Variants in PCCA observed in about 807,000 individuals in gnomAD.
The protein encoded by PCCA is propionyl-CoA carboxylase alpha chain, mitochondrial.
A neutral mutation model predicts 101.3 loss-of-function variants in PCCA; 74 were observed. That is an observed-to-expected ratio of 0.73 (90% confidence interval 0.61 to 0.89). The LOEUF is 0.89. PCCA is among the 40% of genes least tolerant of loss of function. The pLI is 0.00. For missense variants in PCCA, 891 were observed against 907.0 expected, an observed-to-expected ratio of 0.98 and a Z score of 0.23; for synonymous variants, 294 against 313.6, an observed-to-expected ratio of 0.94 and a Z score of 0.66.
intron 21 of PCCA, among the ~76,000 whole-genome samples, chr13:100,483,973 G>C (rs1412576547): frequency 6.6e-6 from 1 of 152,162 alleles, no homozygotes; most frequent in Non-Finnish European, 1.5e-5. Context: ...CTGGGTTTCA[G>C]TTTCACAAAT....
At chr13:100,333,294 C>G (rs563959491) in intron 17 of PCCA, among the ~76,000 whole-genome samples, 9 of 152,192 alleles carry the variant, frequency 5.9e-5, no homozygotes, top group Non-Finnish European at 1.0e-4. Context: ...TACAGTTAAT[C>G]CAGGATCCTC....
At chr13:100,422,279 A>G (rs753939220) in intron 19 of PCCA, among the ~76,000 whole-genome samples, 5 of 151,754 alleles carry the variant, frequency 3.3e-5, no homozygotes, top group Non-Finnish European at 7.4e-5. Flanking sequence ...GACTACGGGC[A>G]CTGGCCATCA....
intron 12 of PCCA, among the ~76,000 whole-genome samples, chr13:100,280,884 C>T (rs2064052283): frequency 1.3e-5 from 2 of 152,130 alleles, no homozygotes; most frequent in Admixed American, 6.6e-5. Context: ...GCTGTAGACA[C>T]TCCCTCTCCA....
chr13:100,110,978 T>G (rs747162160), intron 2 of PCCA, among the ~76,000 whole-genome samples: 2 of 151,708 alleles, frequency 1.3e-5, no homozygotes, highest in Non-Finnish European at 2.9e-5. Context: ...ATTACGGGCA[T>G]GCACCATCAC....
At chr13:100,261,373 T>C (rs2062496455) in intron 9 of PCCA, among the ~76,000 whole-genome samples, 1 of 151,926 alleles carries the variant, frequency 6.6e-6, no homozygotes. Flanking sequence ...GTTTTTTCTT[T>C]TCTTTTTTTT....
rs1378080915 is a variant in PCCA at position 100,155,066 on chromosome 13, G to A, written c.388G>A (p.Ala130Thr). Residue 130 changes from alanine to threonine, a missense_variant, in exon 5 of 24, where the codon GCC becomes ACC. By Grantham distance (58) the Ala-to-Thr change is moderately conservative (BLOSUM62 0). Coordinates refer to ENST00000376285, the MANE Select transcript of PCCA (RefSeq NM_000282.4). Reference protein sequence around the residue: ...SYLNMDAIMEAIKKTRAQAVH... With the variant: ...SYLNMDAIMETIKKTRAQAVH... ...CCTCAACATGGATGCCATCATGGAA[G>A]CCATTAAGAAAACCAGGGCCCAAGC... 2 of 1,613,358 alleles carry A rather than the reference G, an allele frequency of 1.2e-6. No homozygotes were observed. The highest frequency in any genetic ancestry group is 1.1e-5 in the South Asian group (1 of 91,070).
Position 100,352,579 on chromosome 13 carries a change from A to C in PCCA, c.1643+12320A>C, listed in dbSNP as rs1368059929. On this transcript the variant is annotated intron_variant, in intron 18 of 23. Transcript: ENST00000376285. ...TGGCTATATATATATTTTTAAATAG[A>C]GATGAGGTCTTGCTATGTTACCCAG... Among the ~76,000 whole-genome samples the C allele has an allele frequency of 2.0e-5, 3 of 151,820 alleles. No homozygotes were observed. In the South Asian group the frequency reaches 6.3e-4, roughly 32 times the overall value.
At chr13:100,472,642 C>T (rs974046422) in intron 21 of PCCA, among the ~76,000 whole-genome samples, 1 of 152,004 alleles carries the variant, frequency 6.6e-6, no homozygotes, top group Non-Finnish European at 1.5e-5. Context: ...AAAGGCAGTG[C>T]GTGGCTGGTT....
At position 100,260,974 on chromosome 13, in the gene PCCA, C is replaced by A. The variant is rs962624405; in HGVS notation, c.717-1755C>A. On this transcript the variant is annotated intron_variant, in intron 9 of 23. Transcript: ENST00000376285. The stretch of plus-strand genomic sequence containing the variant: ...TGACATCATTAAAGAAAACACAAAA[C>A]AAGCAAATCAGATAGTTGTTTTTTA... Among the ~76,000 whole-genome samples the A allele has an allele frequency of 4.7e-5, 7 of 149,326 alleles. 1 individual carries two copies. Among genetic ancestry groups the A allele is most frequent in the Admixed American group, 4.0e-4 (6 of 15,060 alleles).
intron 14 of PCCA, among the ~76,000 whole-genome samples, chr13:100,305,097 A>C (rs887710822): frequency 1.3e-5 from 2 of 152,236 alleles, no homozygotes; most frequent in Admixed American, 1.3e-4. Flanking sequence ...ATAAAAATAT[A>C]GCTGATTATT....
chr13:100,146,680 T>C (rs191847918), intron 4 of PCCA, among the ~76,000 whole-genome samples: 1 of 151,924 alleles, frequency 6.6e-6, no homozygotes, highest in East Asian at 1.9e-4. Flanking sequence ...ATTAAAAAAA[T>C]GAATCATTTT....
intron 19 of PCCA, among the ~76,000 whole-genome samples, chr13:100,372,417 T>C (rs2152817065): frequency 6.6e-6 from 1 of 152,120 alleles, no homozygotes; most frequent in African/African-American, 2.4e-5. Context: ...AGCTTCAAGG[T>C]ATTGGATTTG....
chr13:100,490,491 A>C (rs1158954828), intron 21 of PCCA: 4 of 152,228 alleles, frequency 2.6e-5, no homozygotes, highest in Non-Finnish European at 5.9e-5. Flanking sequence ...ATCTGTTCAC[A>C]CGGCTTAGAT....
chr13:100,219,392 G>A (rs1306427027), intron 7 of PCCA, among the ~76,000 whole-genome samples: 1 of 152,128 alleles, frequency 6.6e-6, no homozygotes, highest in Non-Finnish European at 1.5e-5. Context: ...AAGGGTTCAA[G>A]GAAGAGACCA....
At chr13:100,426,753 T>A (rs28408802) in intron 20 of PCCA, among the ~76,000 whole-genome samples, 2,353 of 152,258 alleles carry the variant, frequency 0.015, 70 homozygotes, top group African/African-American at 0.051. Flanking sequence ...CTCATTTTTT[T>A]AATTTTCTAA....
chr13:100,293,783 C>T (rs1469721817), intron 12 of PCCA, among the ~76,000 whole-genome samples: 1 of 152,102 alleles, frequency 6.6e-6, no homozygotes. Context: ...GTGTTATACC[C>T]TCCCTTATTA....
chr13:100,499,216 G>A (rs560573360), intron 21 of PCCA, among the ~76,000 whole-genome samples: 4 of 152,150 alleles, frequency 2.6e-5, no homozygotes, highest in Non-Finnish European at 4.4e-5. Context: ...CCCAAAAGAC[G>A]TTTGAAAAAT....
intron 18 of PCCA, among the ~76,000 whole-genome samples, chr13:100,343,982 C>T (rs1595469896): frequency 6.6e-6 from 1 of 152,064 alleles, no homozygotes; most frequent in Non-Finnish European, 1.5e-5. Context: ...GGCTGAGGCA[C>T]GAGAATTGCT....
chr13:100,232,156 C>T (rs189145562), intron 7 of PCCA, among the ~76,000 whole-genome samples: 4 of 152,282 alleles, frequency 2.6e-5, no homozygotes, highest in African/African-American at 4.8e-5. Flanking sequence ...AGGGCCACGC[C>T]GTCCATACCT....
Sources: gnomAD v4.1 joint callset for allele counts (sites outside exome capture counted in the v4.1 genomes callset) on GRCh38, gnomAD v4.1.1 for gene constraint, MANE v1.5 for transcripts, NCBI Gene and HGNC (gene_info 2026-07-23, HGNC 2026-07-21) for gene names.